The following SF3B6 variants were observed in gnomAD, a reference collection of about 807,000 sequenced individuals.
The protein encoded by SF3B6 is SF3b 14 kDa subunit.
A neutral mutation model predicts 15.9 loss-of-function variants in SF3B6; 3 were observed. The ratio of observed to expected loss-of-function variants is 0.19; its 90% confidence interval spans 0.09 to 0.49. The LOEUF (loss-of-function observed/expected upper bound fraction) is 0.49, where lower values mean the gene tolerates loss of function less well. SF3B6 is among the 20% of genes least tolerant of loss of function. SF3B6 has a pLI of 0.97. For synonymous variants in SF3B6, 49 were observed against 51.1 expected, an observed-to-expected ratio of 0.96 and a Z score of 0.18; for missense variants, 71 against 154.3, an observed-to-expected ratio of 0.46 and a Z score of 2.86.
intron 2 of SF3B6, 86 bp from the exon 3 acceptor site, chr2:24,068,545 A>G: frequency 1.6e-6 from 2 of 1,231,460 alleles, no homozygotes; most frequent in Non-Finnish European, 2.2e-6. Context: ...TAAACTGGTA[A>G]CTGTCTTTTA....
chr2:24,076,048 G>A (rs2150979803), intron 1 of SF3B6, 152 bp downstream of exon 1: 1 of 990,566 alleles, frequency 1.0e-6, no homozygotes, highest in East Asian at 2.4e-5. Context: ...ATATCTCTGA[G>A]GATGGGGCCG....
chr2:24,068,481 A>C (rs202166963), intron 2 of SF3B6, 22 bp from the exon 3 acceptor site: 6 of 1,592,158 alleles, frequency 3.8e-6, no homozygotes, highest in Non-Finnish European at 5.1e-6. Flanking sequence ...AGTTAAACTT[A>C]ATTAAGATAT....
intron 2 of SF3B6, among the ~76,000 whole-genome samples, chr2:24,069,679 A>G (rs778808325): frequency 6.6e-6 from 1 of 152,188 alleles, no homozygotes; most frequent in Non-Finnish European, 1.5e-5. Flanking sequence ...GGATAGGACT[A>G]TAGTCTGGGC....
chr2:24,073,059 C>T (rs1664681910), intron 2 of SF3B6, among the ~76,000 whole-genome samples: 1 of 152,212 alleles, frequency 6.6e-6, no homozygotes, highest in African/African-American at 2.4e-5. Flanking sequence ...AACACTTTCA[C>T]TTTCATCCCC....
chr2:24,069,650 C>T (rs895004050), intron 2 of SF3B6, among the ~76,000 whole-genome samples: 1 of 152,130 alleles, frequency 6.6e-6, no homozygotes, highest in South Asian at 2.1e-4. Context: ...AGAGGAGGTA[C>T]CTGCCTAGAC....
intron 1 of SF3B6, among the ~76,000 whole-genome samples, chr2:24,075,624 C>T (rs1664730020): frequency 6.6e-6 from 1 of 151,360 alleles, no homozygotes; most frequent in Non-Finnish European, 1.5e-5. Flanking sequence ...TACTCTCAAA[C>T]ACTAGAATGT....
At chr2:24,071,695 C>T (rs1356376056) in intron 2 of SF3B6, among the ~76,000 whole-genome samples, 1 of 152,132 alleles carries the variant, frequency 6.6e-6, no homozygotes, top group Non-Finnish European at 1.5e-5. Flanking sequence ...AGGGAAAACC[C>T]CTCTGAAAAG....
In SF3B6 at chr2:24,076,281, T is replaced by C. The variant is rs1201166407; in HGVS notation, c.-52A>G. On this transcript the variant is annotated 5_prime_UTR_variant, in exon 1 of 4. Coordinates refer to ENST00000233468, the MANE Select transcript of SF3B6 (RefSeq NM_016047.4). ...GCAGATACTGAAATTCCTCCGGAGC[T>C]CGCTCGGCTTCGGGGGTTACACCGC... 1 of 1,609,174 alleles carries C rather than the reference T, an allele frequency of 6.2e-7. No homozygotes were observed. Among genetic ancestry groups the C allele is most frequent in the Non-Finnish European group, 8.5e-7 (1 of 1,175,622 alleles).
intron 2 of SF3B6, among the ~76,000 whole-genome samples, chr2:24,070,608 G>A (rs909744544): frequency 6.6e-6 from 1 of 152,184 alleles, no homozygotes; most frequent in Non-Finnish European, 1.5e-5. Context: ...AAAGTACCAA[G>A]TGCCTGCTAC....
chr2:24,076,131 T>G (rs1274312608), intron 1 of SF3B6, 69 bp downstream of exon 1: 1 of 1,596,330 alleles, frequency 6.3e-7, no homozygotes, highest in Non-Finnish European at 8.6e-7. Flanking sequence ...GCAAGAATGC[T>G]CCGATCCACG....
At chr2:24,067,875 A>C (rs780570652) in intron 3 of SF3B6, 24 bp from the exon 4 acceptor site, 3 of 1,594,414 alleles carry the variant, frequency 1.9e-6, no homozygotes, top group Non-Finnish European at 2.6e-6. Context: ...AAGCACCAAA[A>C]TTAAATTACC....
At chr2:24,073,875 T>G in intron 2 of SF3B6, 1 of 472,920 alleles carries the variant, frequency 2.1e-6, no homozygotes, top group East Asian at 3.8e-5. Context: ...TTGGCTCTCA[T>G]TGAGCTGGAT....
At chr2:24,072,198 G>T (rs979975785) in intron 2 of SF3B6, among the ~76,000 whole-genome samples, 1 of 151,890 alleles carries the variant, frequency 6.6e-6, no homozygotes, top group Non-Finnish European at 1.5e-5. Context: ...TTTGGCCAGG[G>T]TGGTCTCGAA....
chr2:24,068,734 G>A (rs534546769), intron 2 of SF3B6, among the ~76,000 whole-genome samples: 1 of 152,336 alleles, frequency 6.6e-6, no homozygotes, highest in Non-Finnish European at 1.5e-5. Context: ...TGTCACATCA[G>A]GAATACTAAG....
At chr2:24,075,563 T>G (rs772212096) in intron 1 of SF3B6, among the ~76,000 whole-genome samples, 1 of 148,064 alleles carries the variant, frequency 6.8e-6, no homozygotes, top group African/African-American at 2.6e-5. Flanking sequence ...GTTTTACTGT[T>G]GACTAATCTC....
intron 2 of SF3B6, among the ~76,000 whole-genome samples, chr2:24,069,727 A>T (rs6729231): frequency 0.089 from 13,554 of 152,146 alleles, 854 homozygotes; most frequent in Non-Finnish European, 0.12. Flanking sequence ...ATTGAAAAGG[A>T]ATAGGGTACT....
chr2:24,070,742 A>G (rs1664640232), intron 2 of SF3B6, among the ~76,000 whole-genome samples: 1 of 152,208 alleles, frequency 6.6e-6, no homozygotes. Flanking sequence ...TGGTCACCCT[A>G]GTGCCAGGTG....
In SF3B6 at chr2:24,068,355, C is replaced by T; in HGVS notation, c.254G>A (p.Arg85Lys). The part of the protein sequence containing the change: ...DHLSGFNVCN[R>K]YLVVLYYNAN... ...ATTATAGTACAAAACCACAAGGTAT[C>T]TGTTACAAACATTGAATCCCGATAG... Residue 85 changes from arginine (R) to lysine (K), a missense_variant, in exon 3 of 4, where the codon AGA becomes AAA. Around this residue, in one of 3 missense-constraint regions of SF3B6, gnomAD observed 52 missense variants for 113.2 expected, o/e 0.46. Coordinates refer to ENST00000233468, the MANE Select transcript of SF3B6 (RefSeq NM_016047.4). 1 of 1,614,022 alleles carries T rather than the reference C, an allele frequency of 6.2e-7. No homozygotes were observed. The highest frequency in any genetic ancestry group is 8.5e-7 in the Non-Finnish European group (1 of 1,179,954).
intron 2 of SF3B6, among the ~76,000 whole-genome samples, chr2:24,073,351 T>G (rs764278059): frequency 1.3e-5 from 2 of 152,232 alleles, no homozygotes; most frequent in Non-Finnish European, 2.9e-5. Context: ...GCTATGGTAC[T>G]GTGTAATGTA....
Sources: gnomAD v4.1 joint callset for allele counts (sites outside exome capture counted in the v4.1 genomes callset) on GRCh38, gnomAD v4.1.1 for gene constraint, gnomAD v4.1.1 regional missense constraint, MANE v1.5 for transcripts, NCBI Gene and HGNC (gene_info 2026-07-23, HGNC 2026-07-21) for gene names.